The following ELF1 variants were observed in gnomAD, a reference collection of about 807,000 sequenced individuals.
The protein encoded by ELF1 is E74 like ETS transcription factor 1, also known as ETS-related transcription factor Elf-1.
In ELF1, 24 loss-of-function variants were observed where a neutral mutation model predicts 59.9. The observed-to-expected ratio is 0.40, with a 90% CI of 0.29 to 0.56. The LOEUF (loss-of-function observed/expected upper bound fraction) is 0.56. ELF1 is among the 20% of genes least tolerant of loss of function. ELF1 has a pLI of 0.44. For missense variants in ELF1, 627 were observed against 742.2 expected, an observed-to-expected ratio of 0.84 and a Z score of 1.80; for synonymous variants, 248 against 266.2, an observed-to-expected ratio of 0.93 and a Z score of 0.67.
intron 1 of ELF1, among the ~76,000 whole-genome samples, chr13:41,041,545 C>T (rs943314898): frequency 1.1e-4 from 17 of 151,996 alleles, no homozygotes; most frequent in Non-Finnish European, 1.6e-4. Flanking sequence ...TGTGGTGACG[C>T]GCACCTGTAG....
At chr13:40,966,147 G>C (rs1872158982) in intron 2 of ELF1, among the ~76,000 whole-genome samples, 1 of 152,148 alleles carries the variant, frequency 6.6e-6, no homozygotes, top group African/African-American at 2.4e-5. Flanking sequence ...TTTTTGAACA[G>C]AACCAAAATA....
At chr13:40,984,740 A>G (rs1213192195) in intron 1 of ELF1, among the ~76,000 whole-genome samples, 1 of 152,244 alleles carries the variant, frequency 6.6e-6, no homozygotes, top group African/African-American at 2.4e-5. Flanking sequence ...GTTTCTCTGT[A>G]AAAGATTAGG....
chr13:41,020,083 T>C (rs1456853980), upstream of ELF1, among the ~76,000 whole-genome samples: 1 of 152,194 alleles, frequency 6.6e-6, no homozygotes, highest in Non-Finnish European at 1.5e-5. Context: ...AGCAAAATTT[T>C]CTACATGTAT....
At chr13:41,024,705 G>A (rs1187732923) in intron 1 of ELF1, among the ~76,000 whole-genome samples, 1 of 152,018 alleles carries the variant, frequency 6.6e-6, no homozygotes, top group African/African-American at 2.4e-5. Flanking sequence ...TGTAGCCCTA[G>A]CATCTACTGT....
At chr13:41,036,968 T>G (rs867415839) in intron 1 of ELF1, among the ~76,000 whole-genome samples, 104 of 136,142 alleles carry the variant, frequency 7.6e-4, no homozygotes, top group Middle Eastern at 3.8e-3. Context: ...GTGGGGGGAG[T>G]GGGGAGGGAT....
At chr13:41,060,880 G>A (rs1043499253) in exon 1 of ELF1, 11 of 337,496 alleles carry the variant, frequency 3.3e-5, no homozygotes, top group African/African-American at 2.1e-4. Flanking sequence ...CGCACCTCTC[G>A]CCACCGCCGC....
intron 5 of ELF1, among the ~76,000 whole-genome samples, chr13:40,948,066 C>T (rs930495867): frequency 1.3e-5 from 2 of 152,112 alleles, no homozygotes; most frequent in African/African-American, 2.4e-5. Flanking sequence ...AATTGGACAT[C>T]GGTCAACAAA....
At chr13:40,962,317 G>A (rs1799826675) in intron 2 of ELF1, among the ~76,000 whole-genome samples, 1 of 151,854 alleles carries the variant, frequency 6.6e-6, no homozygotes, top group South Asian at 2.1e-4. Context: ...CAAACGTCAA[G>A]AGAAAAAAAC....
chr13:40,997,827 T>C (rs1423013871), intron 1 of ELF1, among the ~76,000 whole-genome samples: 1 of 152,180 alleles, frequency 6.6e-6, no homozygotes, highest in African/African-American at 2.4e-5. Context: ...CTGGCAATCA[T>C]CTAAGCTTCT....
At chr13:40,997,945 G>A (rs1310770776) in intron 1 of ELF1, among the ~76,000 whole-genome samples, 1 of 152,084 alleles carries the variant, frequency 6.6e-6, no homozygotes, top group Non-Finnish European at 1.5e-5. Flanking sequence ...GAGGCCAGGA[G>A]TTTGAGACCA....
At chr13:41,008,632 G>A (rs1478244702) in intron 1 of ELF1, among the ~76,000 whole-genome samples, 3 of 151,840 alleles carry the variant, frequency 2.0e-5, no homozygotes, top group Admixed American at 1.3e-4. Context: ...TAATGTTACA[G>A]GGGACAAAAA....
intron 1 of ELF1, among the ~76,000 whole-genome samples, chr13:41,037,776 A>G (rs550440811): frequency 6.6e-6 from 1 of 151,994 alleles, no homozygotes; most frequent in Non-Finnish European, 1.5e-5. Context: ...AGCCTGGGCG[A>G]CTAAGCGAGA....
At chr13:40,940,512 G>A (rs949770708) in intron 8 of ELF1, among the ~76,000 whole-genome samples, 1 of 151,150 alleles carries the variant, frequency 6.6e-6, no homozygotes, top group African/African-American at 2.4e-5. Context: ...TCGAAGATAG[G>A]ATCTTCCAAG....
At chr13:41,037,364 TG>T (rs1876423329) in intron 1 of ELF1, among the ~76,000 whole-genome samples, 1 of 152,190 alleles carries the variant, frequency 6.6e-6, no homozygotes, top group South Asian at 2.1e-4. Context: ...TACATACATT[TG>T]GTCAAAAATT....
chr13:40,949,734 G>C, intron 5 of ELF1, 72 bp downstream of exon 5: 1 of 1,520,350 alleles, frequency 6.6e-7, no homozygotes. Flanking sequence ...AAAGAACTAT[G>C]TAGAATAAAA....
intron 1 of ELF1, among the ~76,000 whole-genome samples, chr13:40,983,653 G>C (rs1873404540): frequency 6.6e-6 from 1 of 151,948 alleles, no homozygotes. Context: ...AGCACATTCA[G>C]GTGGTTTTTG....
In ELF1 at chr13:41,051,547, AAC is replaced by A. The variant is rs545249919; in HGVS notation, c.-229+9289_-229+9290del. On this transcript the variant is annotated intron_variant, in intron 1 of 1. Transcript: ENST00000405737. ...TGTTTGATTAAAACTGAAAATGAAA[AAC>A]ACACACACACACACCTGAAAACGGA... is the stretch of plus-strand genomic sequence containing the variant. Among the ~76,000 whole-genome samples the A allele has an allele frequency of 1.5e-3, 231 of 151,924 alleles. 1 individual carries two copies. The highest frequency in any genetic ancestry group is 5.1e-3 in the African/African-American group (212 of 41,434).
Position 40,942,966 on chromosome 13 carries a change from C to A in ELF1, c.792G>T (p.Met264Ile). Reference sequence around the variant, plus strand: ...ACTTCGCATACCTGAGTGCTCTTCCCATGGTCTCATAATTCATATCAGGTT... The same window carrying A: ...ACTTCGCATACCTGAGTGCTCTTCCAATGGTCTCATAATTCATATCAGGTT... ...KNKPDMNYET[M>I]GRALRYYYQR... The change falls in exon 7 of 9, where the codon ATG (methionine) becomes ATT (isoleucine). Residue 264 changes from methionine to isoleucine, a missense_variant. Physicochemically the swap from Met to Ile is conservative, Grantham distance 10. Transcript: ENST00000239882. The A allele has an allele frequency of 6.3e-7, 1 of 1,596,972 alleles. No individual in the cohort carries two copies. The highest frequency in any genetic ancestry group is 8.5e-7 in the Non-Finnish European group (1 of 1,170,658).
intron 3 of ELF1, among the ~76,000 whole-genome samples, chr13:40,957,009 T>C (rs555007766): frequency 1.7e-4 from 23 of 136,278 alleles, no homozygotes; most frequent in African/African-American, 5.5e-4. Context: ...TGTTTTAAGG[T>C]CATAAAACTG....
Sources: allele counts gnomAD v4.1 joint callset (sites outside exome capture counted in the v4.1 genomes callset), GRCh38; gene constraint gnomAD v4.1.1; transcripts MANE v1.5; gene names NCBI Gene and HGNC (gene_info 2026-07-23, HGNC 2026-07-21).